Variants in TRPA1 observed in about 807,000 individuals in gnomAD.
The protein encoded by TRPA1 is ankyrin-like with transmembrane domains 1.
TRPA1 carries 129 observed loss-of-function variants against 131.3 expected under a neutral mutation model. The ratio of observed to expected loss-of-function variants is 0.98; its 90% confidence interval spans 0.85 to 1.14. TRPA1 has a LOEUF of 1.14. Among genes scored for constraint, TRPA1 ranks in the 50% most tolerant of loss-of-function variants. The pLI, the probability that TRPA1 is intolerant of heterozygous loss-of-function variation, is 0.00. For synonymous variants in TRPA1, 441 were observed against 451.7 expected, an observed-to-expected ratio of 0.98 and a Z score of 0.30; for missense variants, 1,304 against 1,354.2, an observed-to-expected ratio of 0.96 and a Z score of 0.58.
chr8:72,029,771 A>G (rs891003192), intron 24 of TRPA1, 130 bp downstream of exon 24: 2 of 910,158 alleles, frequency 2.2e-6, no homozygotes, highest in African/African-American at 3.3e-5. Context: ...CATACTTTAC[A>G]GTGTAAGTAG....
At chr8:72,058,602 A>G (rs924297889) in intron 8 of TRPA1, among the ~76,000 whole-genome samples, 9 of 152,220 alleles carry the variant, frequency 5.9e-5, no homozygotes, top group African/African-American at 2.2e-4. Flanking sequence ...GCTCTGCCAC[A>G]GTTCTCTTGC....
chr8:72,052,666 AG>A lies in TRPA1; in HGVS notation c.1743del (p.Ser582ProfsTer45), dbSNP rs775402702. The A allele has an allele frequency of 3.7e-6, 6 of 1,613,860 alleles. No homozygotes were observed. The highest frequency in any genetic ancestry group is 5.1e-6 in the Non-Finnish European group (6 of 1,179,852). Reference sequence around the variant, plus strand: ...TTGTGAAGTGCAAGGTGCAAAAAGGAGGCCTGCTGCTTGTTCAGGACTATGT... The same window carrying A: ...TTGTGAAGTGCAAGGTGCAAAAAGGAGCCTGCTGCTTGTTCAGGACTATGT... ...NADIVLNKQQASFLHLALHNK... is the reference protein window; with the variant it reads ...NADIVLNKQQXSFLHLALHNK... On this transcript the variant is annotated frameshift_variant, in exon 14 of 27. Coordinates refer to ENST00000262209, the MANE Select transcript of TRPA1 (RefSeq NM_007332.3). LOFTEE classifies it high-confidence loss of function.
chr8:72,074,765 C>T (rs1477465131), intron 1 of TRPA1, among the ~76,000 whole-genome samples: 2 of 152,194 alleles, frequency 1.3e-5, no homozygotes, highest in Non-Finnish European at 2.9e-5. Context: ...GCTCCTACCC[C>T]TGGAGAAGGA....
At chr8:72,035,250 T>TA (rs1275757204) in intron 21 of TRPA1, among the ~76,000 whole-genome samples, 1 of 152,160 alleles carries the variant, frequency 6.6e-6, no homozygotes, top group Non-Finnish European at 1.5e-5. Context: ...GAGACATATA[T>TA]AGTGACTCAG....
the TRPA1 span, among the ~76,000 whole-genome samples, chr8:72,087,631 AAT>A: frequency 3.4e-5 from 5 of 146,394 alleles, no homozygotes; most frequent in African/African-American, 5.0e-5. Context: ...GGATCTATCA[AAT>A]ATATATATAT....
At position 72,075,393 on chromosome 8, in the gene TRPA1, C is replaced by T; in HGVS notation, c.17G>A (p.Arg6Lys). The T allele has an allele frequency of 6.2e-7, 1 of 1,609,570 alleles. No individual in the cohort carries two copies. The highest frequency in any genetic ancestry group is 8.5e-7 in the Non-Finnish European group (1 of 1,179,724). MKRSL[R>K]KMWRPGEKKE... The stretch of plus-strand genomic sequence containing the variant: ...CTTTTCTCCAGGGCGCCACATCTTC[C>T]TCAGGCTGCGCTTCATTGACCCCAC... The change falls in exon 1 of 27, where the codon AGG becomes AAG. Residue 6 changes from arginine to lysine, a missense_variant. Coordinates refer to ENST00000262209, the MANE Select transcript of TRPA1 (RefSeq NM_007332.3).
Position 72,022,915 on chromosome 8 carries a change from A to G in TRPA1, c.3351T>C (p.Leu1117=), listed in dbSNP as rs767039230. ...LRAVKAKTHH[L]EP is the part of the protein sequence containing the mutation. ...CTGAAGGTCTGAGGAGCTAAGGCTCAAGATGGTGTGTTTTTGCCTTGACTG... is the reference window on the plus strand; with the variant it reads ...CTGAAGGTCTGAGGAGCTAAGGCTCGAGATGGTGTGTTTTTGCCTTGACTG... The change falls in exon 27 of 27, where the codon CTT becomes CTC. Residue 1117 remains leucine (L), a synonymous_variant. Transcript: ENST00000262209. 6.2e-7 allele frequency: 1 copy of G among 1,613,696 alleles called. No homozygotes were observed. Among genetic ancestry groups the G allele is most frequent in the South Asian group, 1.1e-5 (1 of 91,074 alleles).
chr8:72,063,793 T>C (rs1805866388), intron 4 of TRPA1, among the ~76,000 whole-genome samples: 1 of 152,166 alleles, frequency 6.6e-6, no homozygotes, highest in African/African-American at 2.4e-5. Flanking sequence ...AGTAACAATG[T>C]AGACACAACA....
chr8:72,066,921 T>G (rs2383845), intron 3 of TRPA1, among the ~76,000 whole-genome samples: 19,652 of 152,192 alleles, frequency 0.13, 1,455 homozygotes, highest in Middle Eastern at 0.32. Context: ...GGTCCCTTGG[T>G]TGAGAATCTG....
chr8:72,039,888 G>GT (rs3214737), intron 17 of TRPA1, 91 bp from the exon 18 acceptor site: 202,702 of 876,272 alleles, frequency 0.23, 26,415 homozygotes, highest in Middle Eastern at 0.37. Flanking sequence ...TTATAACTGT[G>GT]TTTGGTATTG....
chr8:72,068,903 C>A (rs1184262424), intron 3 of TRPA1, 120 bp downstream of exon 3: 2 of 1,000,956 alleles, frequency 2.0e-6, no homozygotes, highest in South Asian at 2.6e-5. Flanking sequence ...GTAATAATTG[C>A]ATTTTGTTTG....
At chr8:72,046,130 G>C (rs765439484) in intron 17 of TRPA1, among the ~76,000 whole-genome samples, 11 of 151,988 alleles carry the variant, frequency 7.2e-5, no homozygotes, top group Non-Finnish European at 1.3e-4. Context: ...TACCTGTGTT[G>C]TCCATGGTTT....
At chr8:72,084,325 T>G in the TRPA1 span, among the ~76,000 whole-genome samples, 3 of 152,160 alleles carry the variant, frequency 2.0e-5, no homozygotes, top group African/African-American at 2.4e-5. Context: ...AAAAATGTAT[T>G]GGGATTCATA....
intron 21 of TRPA1, among the ~76,000 whole-genome samples, chr8:72,035,993 A>G (rs1812028775): frequency 8.0e-6 from 1 of 125,786 alleles, no homozygotes; most frequent in African/African-American, 3.1e-5. Context: ...TATACAAGAC[A>G]GTCCCCCTCC....
At chr8:72,062,684 ATATGTATTTCTTG>A in intron 6 of TRPA1, 102 bp downstream of exon 6, 1 of 1,081,846 alleles carries the variant, frequency 9.2e-7, no homozygotes, top group Non-Finnish European at 1.4e-6. Flanking sequence ...GCAGAAGGAA[ATATGTATTTCTTG>A]TATGTATTTC....
chr8:72,039,689 G>A, intron 18 of TRPA1, 38 bp downstream of exon 18: 1 of 1,257,608 alleles, frequency 8.0e-7, no homozygotes, highest in Non-Finnish European at 1.2e-6. Flanking sequence ...AGATCCAATA[G>A]ACACAGCATT....
chr8:72,048,402 A>G (rs1452310396), intron 15 of TRPA1, among the ~76,000 whole-genome samples: 1 of 152,112 alleles, frequency 6.6e-6, no homozygotes, highest in Non-Finnish European at 1.5e-5. Flanking sequence ...AAACAGGGCC[A>G]TGGCTGGTCT....
At position 72,023,384 on chromosome 8, in the gene TRPA1, C is replaced by T. The variant is rs1028539219; in HGVS notation, c.3150-268G>A. ...TTATAGAGAAAGGTTAAGCAGATTG[C>T]CCAGGGTCACAGTTATTACGTACCT... On this transcript the variant is annotated intron_variant, in intron 26 of 26. Transcript: ENST00000262209. 7.6e-6 allele frequency: 4 copies of T among 524,716 alleles called. No homozygotes were observed. The South Asian group carries it at 8.2e-5, about 11-fold the overall frequency. The allele number at this position is 524,716 out of a possible 1,614,324, so 32.5% of individuals were successfully genotyped here. A position where few individuals can be genotyped will look rare whatever the true frequency, so the allele number is the denominator to read the frequency against.
At position 72,022,799 on chromosome 8, in the gene TRPA1, C is replaced by G; in HGVS notation, c.*107G>C. Reference sequence around the variant, plus strand: ...AGCATGCAGGAACCATGATTTCACACGCAGCAAAATGAATCATTCTGCTTC... The same window carrying G: ...AGCATGCAGGAACCATGATTTCACAGGCAGCAAAATGAATCATTCTGCTTC... On this transcript the variant is annotated 3_prime_UTR_variant, in exon 27 of 27. Coordinates refer to ENST00000262209, the MANE Select transcript of TRPA1 (RefSeq NM_007332.3). 3 of 1,029,880 alleles carry G rather than the reference C, an allele frequency of 2.9e-6. No homozygotes were observed. The highest frequency in any genetic ancestry group is 4.5e-6 in the Non-Finnish European group (3 of 672,186). 63.8% of individuals were successfully genotyped at this position (1,029,880 alleles called of 1,614,324 possible).
Sources: gnomAD v4.1 joint callset for allele counts (sites outside exome capture counted in the v4.1 genomes callset) on GRCh38, gnomAD v4.1.1 for gene constraint, MANE v1.5 for transcripts, NCBI Gene and HGNC (gene_info 2026-07-23, HGNC 2026-07-21) for gene names.